POLR3E: variants seen among roughly 807,000 people sequenced by gnomAD.
POLR3E encodes DNA-directed RNA polymerase III subunit RPC5.
A neutral mutation model predicts 96.6 loss-of-function variants in POLR3E; 41 were observed. The ratio of observed to expected loss-of-function variants is 0.42; its 90% confidence interval spans 0.33 to 0.55. The LOEUF (loss-of-function observed/expected upper bound fraction) is 0.55. Among genes scored for constraint, POLR3E ranks in the 20% least tolerant of loss-of-function variants. POLR3E has a pLI of 0.06. For missense variants in POLR3E, 849 were observed against 952.1 expected (o/e 0.89, Z 1.43); for synonymous variants, 396 against 383.6 (o/e 1.03, Z -0.38).
chr16:22,324,202 G>C, intron 14 of POLR3E, 152 bp from the exon 15 acceptor site: 1 of 611,314 alleles, frequency 1.6e-6, no homozygotes, highest in South Asian at 1.9e-5. Context: ...GAGCTGAAGG[G>C]ACTGCCTGAG....
intron 13 of POLR3E, among the ~76,000 whole-genome samples, chr16:22,319,397 GT>G (rs953926840): frequency 6.7e-6 from 1 of 150,350 alleles, no homozygotes; most frequent in African/African-American, 2.4e-5. Flanking sequence ...ACTGTTTTTT[GT>G]TTTTTTGTTT....
At chr16:22,298,586 C>G (rs867693508) in intron 1 of POLR3E, among the ~76,000 whole-genome samples, 2 of 152,092 alleles carry the variant, frequency 1.3e-5, no homozygotes, top group African/African-American at 4.8e-5. Flanking sequence ...GTTTTGTTCT[C>G]GGGTCCAAGC....
At chr16:22,332,695 G>A (rs2048765949) in intron 20 of POLR3E, among the ~76,000 whole-genome samples, 1 of 152,066 alleles carries the variant, frequency 6.6e-6, no homozygotes, top group Non-Finnish European at 1.5e-5. Context: ...TGTTGCCATA[G>A]CCACACACAT....
intron 16 of POLR3E, 48 bp downstream of exon 16, chr16:22,324,708 C>T: frequency 1.3e-6 from 2 of 1,592,906 alleles, no homozygotes; most frequent in South Asian, 2.2e-5. Flanking sequence ...CCCAGCAACC[C>T]TGCATCCTGG....
intron 1 of POLR3E, among the ~76,000 whole-genome samples, chr16:22,301,846 C>G (rs192788732): frequency 1.3e-3 from 193 of 151,952 alleles, no homozygotes; most frequent in Non-Finnish European, 1.9e-3. Flanking sequence ...ATCGCTTGAA[C>G]CCGGGAGGCA....
At chr16:22,326,336 G>T (rs1184879880) in intron 18 of POLR3E, 58 bp downstream of exon 18, 6 of 1,248,032 alleles carry the variant, frequency 4.8e-6, no homozygotes, top group Non-Finnish European at 6.7e-6. Context: ...AGAACCAGCT[G>T]TTGGGAGGCC....
chr16:22,309,555 G>T (rs1444467190), intron 6 of POLR3E, 45 bp downstream of exon 6: 1 of 1,375,626 alleles, frequency 7.3e-7, no homozygotes. Context: ...GGCATTGGGG[G>T]GGGCTGGGCA....
chr16:22,326,706 G>A (rs771102409), intron 18 of POLR3E: 10 of 281,646 alleles, frequency 3.6e-5, no homozygotes, highest in East Asian at 9.9e-5. Context: ...TGAAATGTAC[G>A]TTTAAAGGTC....
intron 19 of POLR3E, among the ~76,000 whole-genome samples, chr16:22,330,987 CCTTTTTTTTTTTTTTTTTTTTTT>C (rs1402456063): frequency 1.7e-5 from 1 of 59,460 alleles, no homozygotes; most frequent in Non-Finnish European, 4.8e-5. Context: ...CATGAAGCAT[CCTTTTTTTTTTTTTTTTTTTTTT>C]TTTTTTTTTT....
chr16:22,328,140 T>G, intron 18 of POLR3E: 1 of 196,520 alleles, frequency 5.1e-6, no homozygotes. Flanking sequence ...GTTGGCATCT[T>G]CAGGAGGGAG....
chr16:22,325,156 G>A, intron 16 of POLR3E, 49 bp from the exon 17 acceptor site: 2 of 1,404,252 alleles, frequency 1.4e-6, no homozygotes, highest in Non-Finnish European at 2.0e-6. Context: ...TTGTGAAGCA[G>A]ATGGTAGGGG....
intron 1 of POLR3E, among the ~76,000 whole-genome samples, chr16:22,298,572 C>T (rs57248065): frequency 0.058 from 8,835 of 152,190 alleles, 470 homozygotes; most frequent in East Asian, 0.25. Flanking sequence ...TTTGAACCTG[C>T]ACAGTTTTGT....
At chr16:22,303,053 T>C (rs781435087) in intron 2 of POLR3E, 49 bp downstream of exon 2, 4 of 1,553,370 alleles carry the variant, frequency 2.6e-6, no homozygotes, top group African/African-American at 1.4e-5. Flanking sequence ...GGCAGTGGAA[T>C]TGGGTCCTTT....
At chr16:22,333,492 T>G (rs1226076940) in intron 20 of POLR3E, 152 bp from the exon 21 acceptor site, 4 of 556,912 alleles carry the variant, frequency 7.2e-6, no homozygotes, top group Admixed American at 3.0e-5. Flanking sequence ...AAAGGGTGGC[T>G]GGTAGTAGCC....
intron 1 of POLR3E, chr16:22,302,680 G>A (rs922952773): frequency 6.3e-6 from 3 of 474,082 alleles, no homozygotes; most frequent in African/African-American, 3.9e-5. Flanking sequence ...TTCCCCGCAG[G>A]TGCAGCCCAC....
At chr16:22,310,905 G>A (rs1307475963) in intron 6 of POLR3E, among the ~76,000 whole-genome samples, 1 of 152,130 alleles carries the variant, frequency 6.6e-6, no homozygotes, top group African/African-American at 2.4e-5. Context: ...CTGGGCAATA[G>A]AGCAAGACTC....
chr16:22,329,592 C>A (rs1360010465), intron 19 of POLR3E, among the ~76,000 whole-genome samples: 1 of 152,160 alleles, frequency 6.6e-6, no homozygotes, highest in African/African-American at 2.4e-5. Context: ...GGCTGAGGAT[C>A]TAAGGGGCTG....
At chr16:22,319,158 A>T (rs1340509002) in intron 13 of POLR3E, among the ~76,000 whole-genome samples, 1 of 150,788 alleles carries the variant, frequency 6.6e-6, no homozygotes, top group African/African-American at 2.4e-5. Flanking sequence ...TGTTTTTAGT[A>T]GACACGGGTT....
chr16:22,321,405 C>G (rs2141791258), intron 13 of POLR3E, among the ~76,000 whole-genome samples: 1 of 152,338 alleles, frequency 6.6e-6, no homozygotes, highest in African/African-American at 2.4e-5. Context: ...TTACTGCCAC[C>G]TGGTGGCGCC....
Sources: gnomAD v4.1 joint callset for allele counts (sites outside exome capture counted in the v4.1 genomes callset) on GRCh38, gnomAD v4.1.1 for gene constraint, MANE v1.5 for transcripts, NCBI Gene and HGNC (gene_info 2026-07-23, HGNC 2026-07-21) for gene names.